The following NRXN1 variants were observed in gnomAD, a reference collection of about 807,000 sequenced individuals.
The protein encoded by NRXN1 is neurexin 1.
Under a neutral mutation model 150.9 loss-of-function variants are expected in NRXN1, and 39 were observed. The observed-to-expected ratio is 0.26, with a 90% CI of 0.20 to 0.34. The LOEUF is 0.34. NRXN1 is among the 10% of genes least tolerant of loss of function. The pLI is 1.00. For synonymous variants in NRXN1, 924 were observed against 757.0 expected (o/e 1.22, Z -3.62); for missense variants, 1,815 against 1,949.9 (o/e 0.93, Z 1.30).
At chr2:50,812,015 C>T (rs923299673) in intron 5 of NRXN1, among the ~76,000 whole-genome samples, 2 of 151,978 alleles carry the variant, frequency 1.3e-5, no homozygotes, top group Non-Finnish European at 2.9e-5. Context: ...ATATGGCTAA[C>T]TCTTTTAATT....
chr2:50,679,847 T>C (rs908994842), intron 5 of NRXN1, among the ~76,000 whole-genome samples: 6 of 151,962 alleles, frequency 3.9e-5, no homozygotes, highest in African/African-American at 1.5e-4. Context: ...AAGAATTCAG[T>C]AGAGGCCAGG....
At chr2:50,239,690 A>ATATG (rs2065821729) in intron 17 of NRXN1, among the ~76,000 whole-genome samples, 1 of 110,592 alleles carries the variant, frequency 9.0e-6, no homozygotes, top group African/African-American at 3.9e-5. Context: ...ATATATATAT[A>ATATG]TATATATATA....
At chr2:50,587,036 A>C (rs1303560047) in intron 8 of NRXN1, among the ~76,000 whole-genome samples, 2 of 126,982 alleles carry the variant, frequency 1.6e-5, no homozygotes, top group East Asian at 4.5e-4. Flanking sequence ...TGAGACACAA[A>C]TCCTGAGTTC....
At chr2:50,524,747 C>T (rs2105156691) in intron 12 of NRXN1, among the ~76,000 whole-genome samples, 1 of 152,044 alleles carries the variant, frequency 6.6e-6, no homozygotes, top group East Asian at 1.9e-4. Context: ...TTCAAAATTT[C>T]AATGTATTTA....
At chr2:50,173,958 T>C (rs1219634240) in intron 18 of NRXN1, among the ~76,000 whole-genome samples, 1 of 152,144 alleles carries the variant, frequency 6.6e-6, no homozygotes. Context: ...AACATGCATA[T>C]GCACTAAGTG....
intron 5 of NRXN1, among the ~76,000 whole-genome samples, chr2:50,880,865 G>T (rs930061570): frequency 2.6e-5 from 4 of 151,840 alleles, no homozygotes; most frequent in African/African-American, 9.7e-5. Context: ...ACCATCCAAA[G>T]GTTCCCTGCC....
intron 17 of NRXN1, among the ~76,000 whole-genome samples, chr2:50,458,875 C>T (rs572867045): frequency 3.0e-4 from 46 of 152,058 alleles, no homozygotes; most frequent in Admixed American, 5.3e-4. Context: ...TCACTGTGCC[C>T]GGCATAAAAT....
chr2:50,929,383 G>A (rs1327029904), intron 2 of NRXN1, among the ~76,000 whole-genome samples: 4 of 151,988 alleles, frequency 2.6e-5, no homozygotes, highest in African/African-American at 9.7e-5. Flanking sequence ...TTCTCTAAAT[G>A]TACAGACAGT....
In NRXN1 at chr2:50,414,947, T is replaced by G. The variant is rs548582009; in HGVS notation, c.3364+50495A>C. ...ACCATACATATATAACAGAAATAATTTACAATTAAAATTTTTACTGAAGCT... is the reference window on the plus strand; with the variant it reads ...ACCATACATATATAACAGAAATAATGTACAATTAAAATTTTTACTGAAGCT... On this transcript the variant is annotated intron_variant, in intron 17 of 22. Transcript: ENST00000401669. Among the ~76,000 whole-genome samples, 27 of 152,134 alleles carry G rather than the reference T, an allele frequency of 1.8e-4. No individual in the cohort carries two copies. In the South Asian group the frequency reaches 5.2e-3, roughly 29 times the overall value.
intron 21 of NRXN1, among the ~76,000 whole-genome samples, chr2:50,033,076 G>A (rs1054742238): frequency 6.6e-6 from 1 of 151,274 alleles, no homozygotes; most frequent in Admixed American, 6.6e-5. Context: ...TGTTATATTT[G>A]TCTCTATTAA....
chr2:50,933,845 T>C (rs150578097), intron 2 of NRXN1, among the ~76,000 whole-genome samples: 495 of 152,240 alleles, frequency 3.3e-3, no homozygotes, highest in Middle Eastern at 0.01. Flanking sequence ...GTAACCCTAA[T>C]ATAGCTTCTT....
intron 5 of NRXN1, among the ~76,000 whole-genome samples, chr2:50,827,654 G>C (rs946649499): frequency 6.6e-6 from 1 of 152,112 alleles, no homozygotes; most frequent in Non-Finnish European, 1.5e-5. Flanking sequence ...TTCTCACAGA[G>C]GGGGACTTGG....
intron 8 of NRXN1, among the ~76,000 whole-genome samples, chr2:50,563,427 G>A (rs1014480570): frequency 6.6e-6 from 1 of 152,220 alleles, no homozygotes; most frequent in Non-Finnish European, 1.5e-5. Flanking sequence ...GTAGTTGTAA[G>A]TGCGCTAATT....
intron 18 of NRXN1, among the ~76,000 whole-genome samples, chr2:50,160,707 G>T (rs757712016): frequency 6.6e-6 from 1 of 152,070 alleles, no homozygotes; most frequent in African/African-American, 2.4e-5. Flanking sequence ...ATTCTTAGTG[G>T]TGCTTGTCAA....
At chr2:50,845,621 A>G (rs1328532728) in intron 5 of NRXN1, among the ~76,000 whole-genome samples, 1 of 152,074 alleles carries the variant, frequency 6.6e-6, no homozygotes, top group Non-Finnish European at 1.5e-5. Flanking sequence ...CCATCTATCT[A>G]CCTCTCTAAC....
chr2:50,353,559 A>G (rs2078574395), intron 17 of NRXN1, among the ~76,000 whole-genome samples: 1 of 152,148 alleles, frequency 6.6e-6, no homozygotes, highest in Non-Finnish European at 1.5e-5. Context: ...CATCTGGAAA[A>G]TGATTATAAC....
At chr2:50,649,025 C>T (rs959158986) in intron 5 of NRXN1, among the ~76,000 whole-genome samples, 5 of 151,892 alleles carry the variant, frequency 3.3e-5, no homozygotes, top group Non-Finnish European at 1.5e-5. Context: ...ATCCTAATAG[C>T]TCTGAGCTGG....
chr2:50,273,496 C>T (rs2069987173), intron 17 of NRXN1, among the ~76,000 whole-genome samples: 2 of 152,068 alleles, frequency 1.3e-5, no homozygotes. Flanking sequence ...TTTTCGAGTG[C>T]TATTGGTAAA....
At chr2:50,533,200 TCTTGA>T (rs1256920195) in intron 10 of NRXN1, among the ~76,000 whole-genome samples, 1 of 152,120 alleles carries the variant, frequency 6.6e-6, no homozygotes, top group Non-Finnish European at 1.5e-5. Context: ...TCCATCTACC[TCTTGA>T]CTTAAGAGAT....
Sources: allele counts gnomAD v4.1 joint callset (sites outside exome capture counted in the v4.1 genomes callset), GRCh38; gene constraint gnomAD v4.1.1; transcripts MANE v1.5; gene names NCBI Gene and HGNC (gene_info 2026-07-23, HGNC 2026-07-21).